The following DCDC1 variants were observed in gnomAD, a reference collection of about 807,000 sequenced individuals.
DCDC1 encodes doublecortin domain containing 1.
Under a neutral mutation model 178.3 loss-of-function variants are expected in DCDC1, and 200 were observed. That is an observed-to-expected ratio of 1.12 (90% CI 1.00 to 1.26). DCDC1 has a LOEUF of 1.26. Ranked by LOEUF, DCDC1 falls within the 50% of genes most tolerant of loss-of-function variation. DCDC1 has a pLI of 0.00. For missense variants in DCDC1, 1,983 were observed against 1,749.2 expected, an observed-to-expected ratio of 1.13 and a Z score of -2.38; for synonymous variants, 690 against 604.8, an observed-to-expected ratio of 1.14 and a Z score of -2.07.
chr11:30,920,545 A>T (rs1946174783), intron 25 of DCDC1, among the ~76,000 whole-genome samples: 2 of 152,196 alleles, frequency 1.3e-5, no homozygotes, highest in Non-Finnish European at 1.5e-5. Flanking sequence ...AGCCTCTTAA[A>T]AATAATAACA....
rs1409261624 is a variant in DCDC1, at chr11:31,009,644, T to C, written c.2591+54825A>G. On this transcript the variant is annotated intron_variant, in intron 20 of 38. Coordinates refer to ENST00000684477, the MANE Select transcript of DCDC1 (RefSeq NM_001387274.1). ...AAGATTGCTGTTCCCACTCAACCAGTCAGGCAGGGTGCAAATTCCCCTCTC... is the reference window on the plus strand; with the variant it reads ...AAGATTGCTGTTCCCACTCAACCAGCCAGGCAGGGTGCAAATTCCCCTCTC... 2.0e-5 allele frequency among the ~76,000 whole-genome samples: 3 copies of C among 152,074 alleles called. No homozygotes were observed. In the East Asian group the frequency reaches 5.8e-4, roughly 29 times the overall value.
chr11:30,870,941 T>C (rs1248934246), intron 38 of DCDC1, among the ~76,000 whole-genome samples: 1 of 152,206 alleles, frequency 6.6e-6, no homozygotes, highest in Admixed American at 6.5e-5. Context: ...CAGAAATACA[T>C]GTCTATACTA....
chr11:31,261,782 C>T lies in DCDC1; in HGVS notation c.1054+3725G>A, dbSNP rs150997959. Among the ~76,000 whole-genome samples, 135 of 152,218 alleles carry T rather than the reference C, an allele frequency of 8.9e-4. 1 individual carries two copies. Among genetic ancestry groups the T allele is most frequent in the Middle Eastern group, 3.4e-3 (1 of 294 alleles). Reference sequence around the variant, plus strand: ...CATCTGTAGGAATATGGCATTTGTACACAGTAGGTGAGTAGGTGTACTCCT... The same window carrying T: ...CATCTGTAGGAATATGGCATTTGTATACAGTAGGTGAGTAGGTGTACTCCT... On this transcript the variant is annotated intron_variant, in intron 8 of 38. Coordinates refer to ENST00000684477, the MANE Select transcript of DCDC1 (RefSeq NM_001387274.1).
chr11:30,923,268 A>G (rs1241042862), intron 23 of DCDC1, among the ~76,000 whole-genome samples: 1 of 152,182 alleles, frequency 6.6e-6, no homozygotes, highest in Admixed American at 6.5e-5. Flanking sequence ...AAAACCTACA[A>G]TATCTACTAT....
intron 20 of DCDC1, among the ~76,000 whole-genome samples, chr11:31,041,200 AC>A (rs1489205010): frequency 2.0e-5 from 3 of 152,174 alleles, no homozygotes; most frequent in Admixed American, 6.5e-5. Context: ...GAGGGCATTA[AC>A]TTTTAAATGC....
At chr11:31,275,319 T>C (rs1025656243) in intron 7 of DCDC1, among the ~76,000 whole-genome samples, 1 of 152,180 alleles carries the variant, frequency 6.6e-6, no homozygotes, top group African/African-American at 2.4e-5. Flanking sequence ...CACTGACTTT[T>C]TGCAAGTCCT....
intron 9 of DCDC1, among the ~76,000 whole-genome samples, chr11:31,170,689 T>C (rs986039531): frequency 2.0e-5 from 3 of 152,214 alleles, no homozygotes; most frequent in East Asian, 3.8e-4. Flanking sequence ...CTACATACTG[T>C]AAAAGCAAAT....
Position 30,906,444 on chromosome 11 carries a change from G to A in DCDC1, c.4104+96C>T, listed in dbSNP as rs923628464. 7.6e-5 allele frequency: 95 copies of A among 1,242,662 alleles called. No homozygotes were observed. In the Middle Eastern group the frequency reaches 3.5e-3, roughly 46 times the overall value. 77.0% of individuals were successfully genotyped at this position (1,242,662 alleles called of 1,614,324 possible). On this transcript the variant is annotated intron_variant, in intron 30 of 38. Coordinates refer to ENST00000684477, the MANE Select transcript of DCDC1 (RefSeq NM_001387274.1). ...CATCTGAGGAAGATGAATTGGATGA[G>A]TGGAGATGAACTTGAGTGCAAGGCA...
chr11:30,998,604 T>G (rs1390961623), intron 20 of DCDC1, among the ~76,000 whole-genome samples: 1 of 152,194 alleles, frequency 6.6e-6, no homozygotes, highest in African/African-American at 2.4e-5. Context: ...TAGAACATCA[T>G]AGCTATAAAT....
At chr11:31,177,501 T>G (rs1199222323) in intron 9 of DCDC1, among the ~76,000 whole-genome samples, 1 of 152,030 alleles carries the variant, frequency 6.6e-6, no homozygotes, top group Non-Finnish European at 1.5e-5. Flanking sequence ...TTAAGAGAAC[T>G]GTAGGAGTAA....
chr11:31,157,386 T>TATATATAC (rs753985064), intron 9 of DCDC1, among the ~76,000 whole-genome samples: 260 of 142,672 alleles, frequency 1.8e-3, no homozygotes, highest in Non-Finnish European at 3.3e-3. Flanking sequence ...TATATATATA[T>TATATATAC]ACATATATAT....
At chr11:31,367,695 G>A (rs978505806) in intron 1 of DCDC1, among the ~76,000 whole-genome samples, 1 of 152,160 alleles carries the variant, frequency 6.6e-6, no homozygotes, top group African/African-American at 2.4e-5. Context: ...TGAAGACTTA[G>A]TAGGAGAAAA....
At chr11:31,249,656 T>C (rs1943830819) in intron 8 of DCDC1, among the ~76,000 whole-genome samples, 1 of 152,168 alleles carries the variant, frequency 6.6e-6, no homozygotes, top group Admixed American at 6.6e-5. Flanking sequence ...CCTTTGTGTA[T>C]ACCAAGTCTT....
At chr11:30,991,282 A>G (rs1950965589) in intron 20 of DCDC1, among the ~76,000 whole-genome samples, 1 of 152,102 alleles carries the variant, frequency 6.6e-6, no homozygotes, top group Non-Finnish European at 1.5e-5. Flanking sequence ...AATACTAGGT[A>G]TACATTTATC....
chr11:31,299,970 G>A (rs1430279829), intron 6 of DCDC1, among the ~76,000 whole-genome samples: 4 of 152,102 alleles, frequency 2.6e-5, no homozygotes, highest in Admixed American at 6.5e-5. Context: ...CAATTCTCCT[G>A]CCTCAGCCTT....
intron 9 of DCDC1, among the ~76,000 whole-genome samples, chr11:31,158,848 C>A (rs1381944854): frequency 6.6e-6 from 1 of 151,936 alleles, no homozygotes; most frequent in Non-Finnish European, 1.5e-5. Flanking sequence ...TCTAAATAAG[C>A]CCCTCCAAAG....
chr11:31,365,976 T>G (rs1951937268), intron 1 of DCDC1, among the ~76,000 whole-genome samples: 1 of 149,330 alleles, frequency 6.7e-6, no homozygotes, highest in African/African-American at 2.4e-5. Context: ...TTCTAATATA[T>G]CAAATGTGCA....
At chr11:31,363,681 A>C (rs2133402237) in intron 1 of DCDC1, among the ~76,000 whole-genome samples, 1 of 152,346 alleles carries the variant, frequency 6.6e-6, no homozygotes, top group Non-Finnish European at 1.5e-5. Flanking sequence ...TGACTTAAAC[A>C]GACTTCAAAT....
intron 20 of DCDC1, among the ~76,000 whole-genome samples, chr11:31,022,396 T>C (rs1396972912): frequency 6.6e-6 from 1 of 152,104 alleles, no homozygotes; most frequent in African/African-American, 2.4e-5. Flanking sequence ...ACCAGTCGTA[T>C]TGGATGGGAG....
Sources: gnomAD v4.1 joint callset for allele counts (sites outside exome capture counted in the v4.1 genomes callset) on GRCh38, gnomAD v4.1.1 for gene constraint, MANE v1.5 for transcripts, NCBI Gene and HGNC (gene_info 2026-07-23, HGNC 2026-07-21) for gene names.